The following FOXP1 variants were observed in gnomAD, a reference collection of about 807,000 sequenced individuals.
The protein encoded by FOXP1 is forkhead box protein P1.
FOXP1 carries 15 observed loss-of-function variants against 98.2 expected under a neutral mutation model. The ratio of observed to expected loss-of-function variants is 0.15; its 90% CI spans 0.10 to 0.24. FOXP1 has a LOEUF of 0.24. Among genes scored for constraint, FOXP1 ranks in the 10% least tolerant of loss-of-function variants. The pLI is 1.00. For synonymous variants in FOXP1, 371 were observed against 314.5 expected, an observed-to-expected ratio of 1.18 and a Z score of -1.90; for missense variants, 633 against 848.5, an observed-to-expected ratio of 0.75 and a Z score of 3.15.
intron 7 of FOXP1, 30 bp downstream of exon 7, chr3:71,112,506 T>C (rs576186210): frequency 2.0e-5 from 30 of 1,521,772 alleles, no homozygotes; most frequent in Admixed American, 5.0e-5. Flanking sequence ...AAGGGTATAA[T>C]GTCAATTTAA....
chr3:71,261,763 C>CA (rs1212510174), intron 5 of FOXP1, among the ~76,000 whole-genome samples: 2 of 152,054 alleles, frequency 1.3e-5, no homozygotes, highest in Non-Finnish European at 2.9e-5. Context: ...GGGACGGAGG[C>CA]AGAAAGATCT....
At chr3:71,148,975 C>G (rs1423450092) in intron 6 of FOXP1, among the ~76,000 whole-genome samples, 1 of 152,222 alleles carries the variant, frequency 6.6e-6, no homozygotes, top group Non-Finnish European at 1.5e-5. Flanking sequence ...CCTAGAGGAA[C>G]TGGTGTTTAA....
intron 3 of FOXP1, among the ~76,000 whole-genome samples, chr3:71,376,521 T>C (rs1336471607): frequency 6.6e-6 from 1 of 152,180 alleles, no homozygotes; most frequent in Non-Finnish European, 1.5e-5. Flanking sequence ...AGAACAAAGA[T>C]CTGGTTTCAA....
At chr3:71,444,878 G>T (rs765833497) in intron 3 of FOXP1, among the ~76,000 whole-genome samples, 4 of 152,162 alleles carry the variant, frequency 2.6e-5, no homozygotes, top group Non-Finnish European at 2.9e-5. Flanking sequence ...GGATTGGGGG[G>T]AGTGGGGATG....
chr3:71,432,864 A>AC (rs1238582230), intron 3 of FOXP1, among the ~76,000 whole-genome samples: 2 of 148,144 alleles, frequency 1.4e-5, no homozygotes, highest in African/African-American at 5.1e-5. Context: ...AAAAAAAAAA[A>AC]AATTAAAAAA....
At chr3:70,967,706 TTTTG>T (rs1559586285) in intron 19 of FOXP1, among the ~76,000 whole-genome samples, 20 of 84,374 alleles carry the variant, frequency 2.4e-4, no homozygotes, top group African/African-American at 6.4e-4. Flanking sequence ...TTTTGTTTTT[TTTTG>T]TTTTTTTTTT....
chr3:71,485,488 G>A (rs865959138), intron 3 of FOXP1, among the ~76,000 whole-genome samples: 2 of 152,150 alleles, frequency 1.3e-5, no homozygotes, highest in Non-Finnish European at 2.9e-5. Flanking sequence ...AATAACTGAG[G>A]CTGGAAGCGA....
At chr3:70,966,258 TGGGGGCCAGG>T (rs2034745848) in intron 19 of FOXP1, 4 of 610,262 alleles carry the variant, frequency 6.6e-6, no homozygotes, top group Non-Finnish European at 1.2e-5. Flanking sequence ...AAGAGCTAAC[TGGGGGCCAGG>T]GGGGACCAAG....
intron 7 of FOXP1, among the ~76,000 whole-genome samples, chr3:71,062,323 T>G (rs2051628436): frequency 6.6e-6 from 1 of 152,188 alleles, no homozygotes; most frequent in Non-Finnish European, 1.5e-5. Context: ...GAGAAGACAA[T>G]ACACTATATA....
intron 5 of FOXP1, among the ~76,000 whole-genome samples, chr3:71,265,625 C>G (rs1353564137): frequency 7.9e-5 from 12 of 152,192 alleles, no homozygotes; most frequent in Admixed American, 7.8e-4. Context: ...GAACAGAAAA[C>G]ATGCAACACG....
At chr3:71,002,665 G>T (rs903294480) in intron 12 of FOXP1, among the ~76,000 whole-genome samples, 1 of 152,180 alleles carries the variant, frequency 6.6e-6, no homozygotes, top group African/African-American at 2.4e-5. Context: ...TTTGGGGCCA[G>T]GGAGGGTCTG....
At chr3:71,323,231 C>G (rs2075498887) in intron 4 of FOXP1, among the ~76,000 whole-genome samples, 2 of 152,088 alleles carry the variant, frequency 1.3e-5, no homozygotes, top group Non-Finnish European at 2.9e-5. Flanking sequence ...GGCCTTGGTA[C>G]ATTTTAAACT....
intron 13 of FOXP1, among the ~76,000 whole-genome samples, chr3:70,995,760 C>A (rs966693949): frequency 2.6e-5 from 4 of 152,176 alleles, no homozygotes; most frequent in Non-Finnish European, 5.9e-5. Context: ...CTTCTTGACT[C>A]TTCTCCAAAT....
At chr3:71,396,195 AGTAGAG>A (rs2081358809) in intron 3 of FOXP1, among the ~76,000 whole-genome samples, 2 of 152,172 alleles carry the variant, frequency 1.3e-5, no homozygotes, top group Admixed American at 1.3e-4. Flanking sequence ...GTGCTGGAAC[AGTAGAG>A]CATCAAAGCA....
At chr3:71,503,617 A>C (rs1360541282) in intron 2 of FOXP1, among the ~76,000 whole-genome samples, 1 of 151,702 alleles carries the variant, frequency 6.6e-6, no homozygotes, top group Non-Finnish European at 1.5e-5. Context: ...AAAAAAAAAA[A>C]AAAACACCAC....
chr3:71,040,358 C>G (rs1019436904), intron 11 of FOXP1: 7 of 152,168 alleles, frequency 4.6e-5, no homozygotes, highest in Non-Finnish European at 8.8e-5. Context: ...TTTACTGTCA[C>G]ATACTACTTT....
chr3:71,428,948 T>C (rs1005789041), intron 3 of FOXP1, among the ~76,000 whole-genome samples: 1 of 152,220 alleles, frequency 6.6e-6, no homozygotes, highest in African/African-American at 2.4e-5. Flanking sequence ...TCCATTCTAC[T>C]GTGCAATTAC....
chr3:71,297,179 T>C (rs546830018), intron 5 of FOXP1, among the ~76,000 whole-genome samples: 45 of 152,288 alleles, frequency 3.0e-4, no homozygotes, highest in African/African-American at 9.4e-4. Flanking sequence ...TATGATCAAG[T>C]AATTTTACAA....
intron 7 of FOXP1, among the ~76,000 whole-genome samples, chr3:71,092,356 A>G (rs952233963): frequency 3.3e-5 from 5 of 152,078 alleles, no homozygotes; most frequent in African/African-American, 1.2e-4. Flanking sequence ...AGCCTGGGTG[A>G]CAGAAGGAGG....
Sources: allele counts gnomAD v4.1 joint callset (sites outside exome capture counted in the v4.1 genomes callset), GRCh38; gene constraint gnomAD v4.1.1; transcripts MANE v1.5; gene names NCBI Gene and HGNC (gene_info 2026-07-23, HGNC 2026-07-21).